The following PDE4D variants were observed in gnomAD, a reference collection of about 807,000 sequenced individuals.
PDE4D encodes phosphodiesterase 4D, also known as 3',5'-cyclic-AMP phosphodiesterase 4D.
A neutral mutation model predicts 87.4 loss-of-function variants in PDE4D; 24 were observed. The ratio of observed to expected loss-of-function variants is 0.27; its 90% CI spans 0.20 to 0.39. The LOEUF (loss-of-function observed/expected upper bound fraction) is 0.39, where lower values mean the gene tolerates loss of function less well. PDE4D is among the 10% of genes least tolerant of loss of function. The pLI is 1.00. For missense variants in PDE4D, 714 were observed against 1,041.0 expected (o/e 0.69, Z 4.32); for synonymous variants, 384 against 383.2 (o/e 1.00, Z -0.02).
chr5:59,420,689 GA>G (rs55960957), intron 1 of PDE4D, among the ~76,000 whole-genome samples: 42,152 of 121,830 alleles, frequency 0.35, 6,038 homozygotes, highest in East Asian at 0.52. Flanking sequence ...TACTGCACAA[GA>G]AAAAAAAAAA....
chr5:59,212,907 A>G (rs754009636), intron 2 of PDE4D, among the ~76,000 whole-genome samples: 4 of 151,712 alleles, frequency 2.6e-5, no homozygotes, highest in Non-Finnish European at 5.9e-5. Context: ...TTTGATCTGC[A>G]TAGTGGCTTT....
At chr5:59,302,767 CT>C (rs1770523397) in intron 1 of PDE4D, among the ~76,000 whole-genome samples, 1 of 152,144 alleles carries the variant, frequency 6.6e-6, no homozygotes, top group African/African-American at 2.4e-5. Flanking sequence ...ACCACAGTTT[CT>C]TTATCCACTT....
intron 2 of PDE4D, among the ~76,000 whole-genome samples, chr5:60,072,337 C>A (rs1772816948): frequency 6.6e-6 from 1 of 152,034 alleles, no homozygotes; most frequent in Non-Finnish European, 1.5e-5. Flanking sequence ...TGTTCACGTC[C>A]TTTGCCCACT....
chr5:60,119,668 T>C (rs1778493440), intron 2 of PDE4D, among the ~76,000 whole-genome samples: 1 of 152,168 alleles, frequency 6.6e-6, no homozygotes, highest in Admixed American at 6.5e-5. Flanking sequence ...ATTAATGAGT[T>C]AATAGATATG....
chr5:60,033,463 G>A (rs765771135), intron 2 of PDE4D, among the ~76,000 whole-genome samples: 3 of 152,096 alleles, frequency 2.0e-5, no homozygotes, highest in South Asian at 4.1e-4. Flanking sequence ...TTCAAAAAAT[G>A]TTTTAAAAGG....
At chr5:60,039,477 C>G (rs551145259) in intron 2 of PDE4D, among the ~76,000 whole-genome samples, 4 of 151,456 alleles carry the variant, frequency 2.6e-5, no homozygotes, top group East Asian at 1.9e-4. Flanking sequence ...GGAGATATAC[C>G]TAATGCTAAA....
intron 5 of PDE4D, among the ~76,000 whole-genome samples, chr5:59,100,327 C>T (rs1395385960): frequency 1.3e-5 from 2 of 152,220 alleles, no homozygotes; most frequent in Non-Finnish European, 2.9e-5. Context: ...TACTCCGAAA[C>T]ATTCATCTTT....
chr5:59,092,819 TATC>T (rs139253823), intron 5 of PDE4D, among the ~76,000 whole-genome samples: 89 of 152,324 alleles, frequency 5.8e-4, no homozygotes, highest in African/African-American at 2.1e-3. Flanking sequence ...GAGTTTTATT[TATC>T]ATCATCATCA....
chr5:60,191,454 C>T (rs570094413), intron 1 of PDE4D, among the ~76,000 whole-genome samples: 10 of 152,188 alleles, frequency 6.6e-5, no homozygotes, highest in African/African-American at 2.2e-4. Flanking sequence ...GGTAGTTCCT[C>T]CTGTGTTCAT....
At chr5:59,661,484 T>C (rs1274409043) in intron 1 of PDE4D, among the ~76,000 whole-genome samples, 1 of 152,168 alleles carries the variant, frequency 6.6e-6, no homozygotes, top group Non-Finnish European at 1.5e-5. Context: ...CAAAGTGACA[T>C]ATGACTCTAG....
At chr5:60,315,469 G>C (rs1380147257) in intron 1 of PDE4D, among the ~76,000 whole-genome samples, 2 of 152,060 alleles carry the variant, frequency 1.3e-5, no homozygotes, top group Non-Finnish European at 2.9e-5. Flanking sequence ...TTCTTTTGCT[G>C]TGCAGAAGCT....
At chr5:59,605,641 T>C (rs568018472) in intron 1 of PDE4D, among the ~76,000 whole-genome samples, 1 of 152,232 alleles carries the variant, frequency 6.6e-6, no homozygotes, top group South Asian at 2.1e-4. Flanking sequence ...TTGGGCCTGT[T>C]ATTTCAATGA....
chr5:59,887,186 T>C (rs1750285591), intron 1 of PDE4D, among the ~76,000 whole-genome samples: 1 of 152,128 alleles, frequency 6.6e-6, no homozygotes, highest in Non-Finnish European at 1.5e-5. Flanking sequence ...GGAGCAAGAA[T>C]TATAAATGCT....
intron 1 of PDE4D, among the ~76,000 whole-genome samples, chr5:59,516,563 T>A (rs545766536): frequency 6.6e-5 from 10 of 152,230 alleles, no homozygotes; most frequent in African/African-American, 2.2e-4. Flanking sequence ...AAACTGCTAC[T>A]AAAGTATTTT....
At chr5:59,356,984 C>T in intron 1 of PDE4D, 1 of 1,070,058 alleles carries the variant, frequency 9.3e-7, no homozygotes, top group Non-Finnish European at 1.2e-6. Flanking sequence ...GTGGTATGCG[C>T]TGACAGAGAG....
chr5:59,427,634 G>A (rs1000376006), intron 1 of PDE4D, among the ~76,000 whole-genome samples: 2 of 152,062 alleles, frequency 1.3e-5, no homozygotes, highest in Non-Finnish European at 2.9e-5. Flanking sequence ...AACTGTTTGA[G>A]AAGAGCCTGG....
At chr5:59,196,942 T>C (rs1302154098) in intron 2 of PDE4D, among the ~76,000 whole-genome samples, 4 of 152,088 alleles carry the variant, frequency 2.6e-5, no homozygotes, top group Non-Finnish European at 5.9e-5. Context: ...GCTGAAGACA[T>C]TGTATTGTAA....
intron 1 of PDE4D, among the ~76,000 whole-genome samples, chr5:59,266,170 G>T (rs1383984576): frequency 6.6e-6 from 1 of 151,996 alleles, no homozygotes; most frequent in Admixed American, 6.6e-5. Flanking sequence ...GCTAAGGCAG[G>T]AGGATTGAGA....
At chr5:59,132,676 A>G (rs1261002320) in intron 5 of PDE4D, among the ~76,000 whole-genome samples, 1 of 152,236 alleles carries the variant, frequency 6.6e-6, no homozygotes, top group Non-Finnish European at 1.5e-5. Context: ...TGTTACATAT[A>G]CAGGCATAGG....
Sources: gnomAD v4.1 joint callset for allele counts (sites outside exome capture counted in the v4.1 genomes callset) on GRCh38, gnomAD v4.1.1 for gene constraint, MANE v1.5 for transcripts, NCBI Gene and HGNC (gene_info 2026-07-23, HGNC 2026-07-21) for gene names.